Variants in PTPN14 observed in about 807,000 individuals in gnomAD.
PTPN14 encodes protein tyrosine phosphatase non-receptor type 14.
In PTPN14, 53 loss-of-function variants were observed where a neutral mutation model predicts 126.8. The observed-to-expected ratio is 0.42, with a 90% CI of 0.34 to 0.53. The LOEUF (loss-of-function observed/expected upper bound fraction) is 0.53, where lower values mean the gene tolerates loss of function less well. PTPN14 is among the 20% of genes least tolerant of loss of function. The pLI is 0.08. For synonymous variants in PTPN14, 630 were observed against 599.3 expected (o/e 1.05, Z -0.75); for missense variants, 1,257 against 1,552.9 (o/e 0.81, Z 3.20).
In PTPN14 at chr1:214,357,921, A is replaced by G; in HGVS notation, c.*1T>C. On this transcript the variant is annotated 3_prime_UTR_variant, in exon 19 of 19. Coordinates refer to ENST00000366956, the MANE Select transcript of PTPN14 (RefSeq NM_005401.5). ...CTCCTCCAGGAGCTGGATTGGGGTGATTAAATGAGTCTGGAGTTTTGGAGG... is the reference window on the plus strand; with the variant it reads ...CTCCTCCAGGAGCTGGATTGGGGTGGTTAAATGAGTCTGGAGTTTTGGAGG... 1 of 1,612,358 alleles carries G rather than the reference A, an allele frequency of 6.2e-7. No homozygotes were observed. Among genetic ancestry groups the G allele is most frequent in the Non-Finnish European group, 8.5e-7 (1 of 1,179,122 alleles).
chr1:214,361,006 G>T (rs754290862), intron 18 of PTPN14, among the ~76,000 whole-genome samples: 1 of 152,264 alleles, frequency 6.6e-6, no homozygotes, highest in Non-Finnish European at 1.5e-5. Flanking sequence ...ATGTGAAGAC[G>T]TGCTTAATTC....
At chr1:214,392,952 T>C (rs940155672) in intron 10 of PTPN14, among the ~76,000 whole-genome samples, 1 of 152,190 alleles carries the variant, frequency 6.6e-6, no homozygotes, top group Non-Finnish European at 1.5e-5. Flanking sequence ...TTTATAACCC[T>C]GACGCTCTTT....
intron 1 of PTPN14, among the ~76,000 whole-genome samples, chr1:214,493,108 G>A (rs141469557): frequency 2.6e-4 from 40 of 152,182 alleles, no homozygotes; most frequent in Non-Finnish European, 5.1e-4. Context: ...AGACATGTTC[G>A]GAGGTCAGAA....
intron 2 of PTPN14, among the ~76,000 whole-genome samples, chr1:214,462,339 G>A (rs1572015280): frequency 6.6e-6 from 1 of 152,114 alleles, no homozygotes; most frequent in Non-Finnish European, 1.5e-5. Flanking sequence ...TCTGTTGAAA[G>A]CCATTATTAC....
chr1:214,497,429 A>G (rs984642311), intron 1 of PTPN14, among the ~76,000 whole-genome samples: 13 of 152,328 alleles, frequency 8.5e-5, no homozygotes, highest in South Asian at 8.3e-4. Context: ...TGGCATACAC[A>G]CAGGTAAAAC....
chr1:214,412,540 G>A (rs1057362407), intron 4 of PTPN14, among the ~76,000 whole-genome samples: 1 of 152,178 alleles, frequency 6.6e-6, no homozygotes, highest in African/African-American at 2.4e-5. Context: ...TTACCAATTA[G>A]GTGCAGCATT....
chr1:214,546,733 T>C (rs191863914), intron 1 of PTPN14, among the ~76,000 whole-genome samples: 1 of 152,316 alleles, frequency 6.6e-6, no homozygotes, highest in African/African-American at 2.4e-5. Context: ...TCTCTGGATA[T>C]GCAGTAGTCC....
intron 6 of PTPN14, 72 bp from the exon 7 acceptor site, chr1:214,401,844 C>A: frequency 1.6e-6 from 2 of 1,233,300 alleles, no homozygotes; most frequent in South Asian, 2.5e-5. Context: ...CTCCTGATGG[C>A]AAATTCCAGA....
At chr1:214,441,170 A>G (rs972925258) in intron 3 of PTPN14, among the ~76,000 whole-genome samples, 1 of 152,260 alleles carries the variant, frequency 6.6e-6, no homozygotes. Context: ...AAAAACAAAC[A>G]GTTCTTTTTC....
At chr1:214,532,729 G>A (rs951014109) in intron 1 of PTPN14, 22 of 787,112 alleles carry the variant, frequency 2.8e-5, no homozygotes, top group Non-Finnish European at 3.6e-5. Context: ...GCAGCATTAC[G>A]GGCTCTGCAA....
chr1:214,490,152 G>A, intron 1 of PTPN14, among the ~76,000 whole-genome samples: 1 of 152,148 alleles, frequency 6.6e-6, no homozygotes, highest in South Asian at 2.1e-4. Flanking sequence ...GCAATGGGGT[G>A]GTGGAATCAC....
At chr1:214,394,056 C>T (rs1235514409) in intron 9 of PTPN14, among the ~76,000 whole-genome samples, 4 of 152,140 alleles carry the variant, frequency 2.6e-5, no homozygotes, top group Non-Finnish European at 5.9e-5. Context: ...ATGTAATTTC[C>T]GACCAAGTGC....
intron 1 of PTPN14, among the ~76,000 whole-genome samples, chr1:214,478,346 C>T (rs1056994237): frequency 2.6e-5 from 4 of 152,026 alleles, no homozygotes; most frequent in African/African-American, 7.2e-5. Flanking sequence ...TGATGTGTTA[C>T]TAAGTAGGAA....
intron 3 of PTPN14, among the ~76,000 whole-genome samples, chr1:214,434,427 A>G (rs1310040811): frequency 6.6e-6 from 1 of 152,172 alleles, no homozygotes; most frequent in Non-Finnish European, 1.5e-5. Context: ...AGCAAAATCA[A>G]CGATGGACAT....
intron 3 of PTPN14, among the ~76,000 whole-genome samples, chr1:214,434,743 G>A (rs533315485): frequency 2.6e-5 from 4 of 152,290 alleles, no homozygotes; most frequent in Non-Finnish European, 4.4e-5. Flanking sequence ...AAAGGTGGAA[G>A]AACCGAGAGC....
chr1:214,376,490 A>G (rs1658346348), intron 14 of PTPN14, 53 bp from the exon 15 acceptor site: 2 of 1,422,858 alleles, frequency 1.4e-6, no homozygotes, highest in Non-Finnish European at 2.0e-6. Flanking sequence ...CAAAAACTCA[A>G]TGAAACAACC....
chr1:214,448,762 C>T (rs910734524), intron 3 of PTPN14, among the ~76,000 whole-genome samples: 3 of 152,150 alleles, frequency 2.0e-5, no homozygotes, highest in Non-Finnish European at 4.4e-5. Context: ...CTACCTGGTC[C>T]ACGTGACAAC....
At chr1:214,472,527 C>T (rs1002214861) in intron 1 of PTPN14, among the ~76,000 whole-genome samples, 1 of 152,190 alleles carries the variant, frequency 6.6e-6, no homozygotes, top group African/African-American at 2.4e-5. Flanking sequence ...CAGACTAACA[C>T]AGTCATTATG....
chr1:214,550,990 G>A (rs1233534141), intron 1 of PTPN14, among the ~76,000 whole-genome samples, 193 bp downstream of exon 1: 1 of 152,050 alleles, frequency 6.6e-6, no homozygotes, highest in African/African-American at 2.4e-5. Context: ...GCGCCTCACC[G>A]CGGGCAGCTC....
Sources: allele counts gnomAD v4.1 joint callset (sites outside exome capture counted in the v4.1 genomes callset), GRCh38; gene constraint gnomAD v4.1.1; transcripts MANE v1.5; gene names NCBI Gene and HGNC (gene_info 2026-07-23, HGNC 2026-07-21).